Variants in AGAP1 observed in about 807,000 individuals in gnomAD.
AGAP1 encodes the protein arf-GAP with GTPase, ANK repeat and PH domain-containing protein 1.
AGAP1 carries 29 observed loss-of-function variants against 105.3 expected under a neutral mutation model. The observed-to-expected ratio is 0.28, with a 90% CI of 0.21 to 0.38. The LOEUF (loss-of-function observed/expected upper bound fraction) is 0.38. Ranked by LOEUF, AGAP1 falls within the 10% of genes least tolerant of loss-of-function variation. The pLI is 1.00. For missense variants in AGAP1, 998 were observed against 1,165.1 expected, an observed-to-expected ratio of 0.86 and a Z score of 2.09; for synonymous variants, 509 against 485.9, an observed-to-expected ratio of 1.05 and a Z score of -0.63.
intron 9 of AGAP1, among the ~76,000 whole-genome samples, chr2:235,826,088 C>T (rs1249785651): frequency 6.6e-6 from 1 of 152,148 alleles, no homozygotes. Flanking sequence ...ACCATGCTAA[C>T]GTGGCGCCAT....
At chr2:235,715,285 A>G (rs1398972301) in intron 2 of AGAP1, among the ~76,000 whole-genome samples, 3 of 152,118 alleles carry the variant, frequency 2.0e-5, no homozygotes, top group Non-Finnish European at 4.4e-5. Flanking sequence ...GACTATGACA[A>G]GTGTACAGAT....
chr2:235,531,566 G>A (rs1943045813), intron 1 of AGAP1, among the ~76,000 whole-genome samples: 2 of 151,298 alleles, frequency 1.3e-5, no homozygotes, highest in South Asian at 4.2e-4. Context: ...TATCCAGTGG[G>A]ACAAGGGAAT....
chr2:235,744,608 C>A lies in AGAP1; in HGVS notation c.397-90C>A. The A allele has an allele frequency of 6.6e-7, 1 of 1,519,112 alleles. No individual in the cohort carries two copies. Among genetic ancestry groups the A allele is most frequent in the Non-Finnish European group, 9.1e-7 (1 of 1,104,640 alleles). 94.1% of individuals were successfully genotyped at this position (1,519,112 alleles called of 1,614,324 possible). On this transcript the variant is annotated intron_variant, in intron 4 of 17. Transcript: ENST00000304032. The surrounding 1 kb of genome is among the most constrained non-coding windows in gnomAD (Gnocchi z 5.2). ...GTGTGACCGAGGGGATTCCTGCAGC[C>A]CCCTGCTGCCTGCCGCCATGCAGAC...
rs1047307052 is a variant in AGAP1 at position 235,864,688 on chromosome 2, T to A, written c.1051-18657T>A. Among the ~76,000 whole-genome samples the A allele has an allele frequency of 1.3e-5, 2 of 152,180 alleles. No homozygotes were observed. Among genetic ancestry groups the A allele is most frequent in the African/African-American group, 4.8e-5 (2 of 41,442 alleles). On this transcript the variant is annotated intron_variant, in intron 9 of 17. Transcript: ENST00000304032. The surrounding 1 kb of genome is among the most constrained non-coding windows in gnomAD (Gnocchi z 5.0). ...AAAACGAGGCGATCAAGAGATAATA[T>A]TAACTAGAAAAATCAAGAGGGGATC... is the stretch of plus-strand genomic sequence containing the variant.
At chr2:235,686,659 A>T (rs1478106993) in intron 1 of AGAP1, among the ~76,000 whole-genome samples, 1,034 of 42,156 alleles carry the variant, frequency 0.025, 63 homozygotes, top group Admixed American at 0.065. Context: ...ATATATATAT[A>T]TATATATTTT....
chr2:236,073,689 C>T lies in AGAP1; in HGVS notation c.2114+24408C>T, dbSNP rs2058562900. Among the ~76,000 whole-genome samples, 1 of 152,164 alleles carries T rather than the reference C, an allele frequency of 6.6e-6. No individual in the cohort carries two copies. Among genetic ancestry groups the T allele is most frequent in the Admixed American group, 6.5e-5 (1 of 15,278 alleles). On this transcript the variant is annotated intron_variant, in intron 16 of 17. Transcript: ENST00000304032. The surrounding 1 kb of genome is among the most constrained non-coding windows in gnomAD (Gnocchi z 5.4). Reference sequence around the variant, plus strand: ...TTAACTCCAGGGCCCACCACAGCAACTTTGAGCTTAGATGCCACTTAACCT... The same window carrying T: ...TTAACTCCAGGGCCCACCACAGCAATTTTGAGCTTAGATGCCACTTAACCT...
rs1251676199 is a variant in AGAP1 at position 236,087,605 on chromosome 2, C to T, written c.2115-32587C>T. On this transcript the variant is annotated intron_variant, in intron 16 of 17. Coordinates refer to ENST00000304032, the MANE Select transcript of AGAP1 (RefSeq NM_001037131.3). The surrounding 1 kb of genome is among the most constrained non-coding windows in gnomAD (Gnocchi z 5.7). ...CTAGTTTGATGTTCTGAATCAGGCC[C>T]CTTGGTTAAGCGTGATAACATGATC... Among the ~76,000 whole-genome samples the T allele has an allele frequency of 1.3e-5, 2 of 152,122 alleles. No individual in the cohort carries two copies. Among genetic ancestry groups the T allele is most frequent in the Non-Finnish European group, 2.9e-5 (2 of 68,034 alleles).
chr2:235,649,796 A>G (rs1472020681), intron 1 of AGAP1, among the ~76,000 whole-genome samples: 1 of 152,238 alleles, frequency 6.6e-6, no homozygotes, highest in African/African-American at 2.4e-5. Context: ...ACAGTGCATC[A>G]GATGTCACTA....
intron 13 of AGAP1, among the ~76,000 whole-genome samples, chr2:235,985,734 C>T (rs1200346841): frequency 1.3e-5 from 2 of 152,186 alleles, no homozygotes. Flanking sequence ...GAAATCCTTT[C>T]CCCATTGCTT....
In AGAP1 at chr2:235,620,728, G is replaced by A. The variant is rs933968925; in HGVS notation, c.164-88451G>A. Among the ~76,000 whole-genome samples, 2 of 152,168 alleles carry A rather than the reference G, an allele frequency of 1.3e-5. No individual in the cohort carries two copies. Among genetic ancestry groups the A allele is most frequent in the Non-Finnish European group, 2.9e-5 (2 of 68,038 alleles). ...TGGAATATAAGGGCTTGTGTTTGCC[G>A]TTTCCCCAGCACCTAGACAGGACCT... is the stretch of plus-strand genomic sequence containing the variant. On this transcript the variant is annotated intron_variant, in intron 1 of 17. Transcript: ENST00000304032. The surrounding 1 kb of genome is among the most constrained non-coding windows in gnomAD (Gnocchi z 4.5).
chr2:236,117,147 C>G (rs566075328), intron 16 of AGAP1, among the ~76,000 whole-genome samples: 1 of 152,302 alleles, frequency 6.6e-6, no homozygotes, highest in African/African-American at 2.4e-5. Context: ...AATGGCAGTT[C>G]TACTTTCAGT....
rs1319908120 is a variant in AGAP1 at position 235,494,631 on chromosome 2, G to T, written c.-56G>T. On this transcript the variant is annotated 5_prime_UTR_variant, in exon 1 of 18. Transcript: ENST00000304032. Reference sequence around the variant, plus strand: ...CCGGGCTCGGCGGCCCGCGGGCCCCGGGGCGCGGGGCGGCGGCGGCGGGGG... The same window carrying T: ...CCGGGCTCGGCGGCCCGCGGGCCCCTGGGCGCGGGGCGGCGGCGGCGGGGG... 4 of 962,260 alleles carry T rather than the reference G, an allele frequency of 4.2e-6. No individual in the cohort carries two copies. The highest frequency in any genetic ancestry group is 1.8e-5 in the African/African-American group (1 of 55,092). 59.6% of individuals were successfully genotyped at this position (962,260 alleles called of 1,614,324 possible).
In AGAP1 at chr2:235,824,348, T is replaced by C. The variant is rs74996633; in HGVS notation, c.1050+17017T>C. On this transcript the variant is annotated intron_variant, in intron 9 of 17. Coordinates refer to ENST00000304032, the MANE Select transcript of AGAP1 (RefSeq NM_001037131.3). The surrounding 1 kb of genome is among the most constrained non-coding windows in gnomAD (Gnocchi z 5.2). ...TTAGTTGATTACTAGTTCTTTAAAA[T>C]GTACTGTACTCACTGTGGGTCTTGC... 4.9e-3 allele frequency among the ~76,000 whole-genome samples: 741 copies of C among 152,338 alleles called. 6 individuals carry two copies. Among genetic ancestry groups the C allele is most frequent in the South Asian group, 0.013 (64 of 4,824 alleles).
rs1250275797 is a variant in AGAP1 at position 235,752,144 on chromosome 2, G to C, written c.673+1656G>C. On this transcript the variant is annotated intron_variant, in intron 6 of 17. Coordinates refer to ENST00000304032, the MANE Select transcript of AGAP1 (RefSeq NM_001037131.3). This position sits in a 1 kb window ranked among gnomAD's most constrained non-coding sequence, Gnocchi z 4.3. ...TCGTAGATGAAGGGTCCCCAGGCCC[G>C]TGCATGAGGCCAGCTGCCTGTTTTC... Among the ~76,000 whole-genome samples the C allele has an allele frequency of 6.6e-6, 1 of 152,174 alleles. No individual in the cohort carries two copies. Among genetic ancestry groups the C allele is most frequent in the Non-Finnish European group, 1.5e-5 (1 of 68,026 alleles).
rs981269821 is a variant in AGAP1 at position 235,557,469 on chromosome 2, A to C, written c.163+62620A>C. ...GGTAAAAGGCATGAAGTCTGAGTTC[A>C]TTCCGAAGATTCTGGCTTTTGAGAA... On this transcript the variant is annotated intron_variant, in intron 1 of 17. Transcript: ENST00000304032. This position sits in a 1 kb window ranked among gnomAD's most constrained non-coding sequence, Gnocchi z 4.7. Among the ~76,000 whole-genome samples, 4 of 152,240 alleles carry C rather than the reference A, an allele frequency of 2.6e-5. No homozygotes were observed. The South Asian group carries it at 8.3e-4, about 32-fold the overall frequency.
rs545732290 is a variant in AGAP1 at position 235,510,790 on chromosome 2, G to T, written c.163+15941G>T. Reference sequence around the variant, plus strand: ...TGTGAAGTGTCTTGTACTGATGAGGGGGGTGGGAGGCTATAGGAGTGAGGC... The same window carrying T: ...TGTGAAGTGTCTTGTACTGATGAGGTGGGTGGGAGGCTATAGGAGTGAGGC... On this transcript the variant is annotated intron_variant, in intron 1 of 17. Transcript: ENST00000304032. Among the ~76,000 whole-genome samples, 171 of 152,166 alleles carry T rather than the reference G, an allele frequency of 1.1e-3. 1 individual carries two copies. Among genetic ancestry groups the T allele is most frequent in the Non-Finnish European group, 1.7e-3 (118 of 68,004 alleles).
intron 13 of AGAP1, among the ~76,000 whole-genome samples, chr2:236,017,716 T>A (rs1451982868): frequency 6.6e-6 from 1 of 152,214 alleles, no homozygotes; most frequent in Non-Finnish European, 1.5e-5. Flanking sequence ...GAGCCAAGGT[T>A]TGAGTCTAAG....
chr2:235,828,238 G>A (rs1243019597), intron 9 of AGAP1, among the ~76,000 whole-genome samples: 7 of 152,126 alleles, frequency 4.6e-5, no homozygotes, highest in African/African-American at 4.8e-5. Flanking sequence ...GCACTAGGCC[G>A]ACCCCTTTCT....
At position 235,855,442 on chromosome 2, in the gene AGAP1, C is replaced by T. The variant is rs2048648127; in HGVS notation, c.1051-27903C>T. On this transcript the variant is annotated intron_variant, in intron 9 of 17. Coordinates refer to ENST00000304032, the MANE Select transcript of AGAP1 (RefSeq NM_001037131.3). This position sits in a 1 kb window ranked among gnomAD's most constrained non-coding sequence, Gnocchi z 5.0. ...TAAAGTTTCTTTAGATGTCCTTATT[C>T]ATTCAGTTACAGATTTATCATTTTT... Among the ~76,000 whole-genome samples the T allele has an allele frequency of 2.0e-5, 3 of 152,188 alleles. No individual in the cohort carries two copies. In the South Asian group the frequency reaches 6.2e-4, roughly 32 times the overall value.
Sources: allele counts gnomAD v4.1 joint callset (sites outside exome capture counted in the v4.1 genomes callset), GRCh38; gene constraint gnomAD v4.1.1; non-coding constraint Gnocchi (gnomAD v3.1); transcripts MANE v1.5; gene names NCBI Gene and HGNC (gene_info 2026-07-23, HGNC 2026-07-21).